The following MARCHF3 variants were observed in gnomAD, a reference collection of about 807,000 sequenced individuals.
MARCHF3 encodes E3 ubiquitin-protein ligase MARCHF3.
MARCHF3 carries 13 observed loss-of-function variants against 24.2 expected under a neutral mutation model. That is an observed-to-expected ratio of 0.54 (90% CI 0.35 to 0.85). The LOEUF (loss-of-function observed/expected upper bound fraction) is 0.85, where lower values mean the gene tolerates loss of function less well. MARCHF3 is among the 40% of genes least tolerant of loss of function. The pLI is 0.01. For synonymous variants in MARCHF3, 144 were observed against 137.3 expected, an observed-to-expected ratio of 1.05 and a Z score of -0.34; for missense variants, 276 against 325.0, an observed-to-expected ratio of 0.85 and a Z score of 1.16.
At chr5:126,992,997 C>A (rs1180994010) in intron 1 of MARCHF3, among the ~76,000 whole-genome samples, 1 of 152,154 alleles carries the variant, frequency 6.6e-6, no homozygotes, top group Non-Finnish European at 1.5e-5. Flanking sequence ...TGGTCTCGAT[C>A]TCCTGACCTC....
rs1580629693 is a variant in MARCHF3 at position 126,909,510 on chromosome 5, T to C, written c.393+5420A>G. 2.0e-5 allele frequency among the ~76,000 whole-genome samples: 3 copies of C among 152,294 alleles called. No individual in the cohort carries two copies. The South Asian group carries it at 6.2e-4, about 32-fold the overall frequency. ...AGGACCCTCCGAGCCACGCACAGGA[T>C]ATAATCTCCTGGTGCGCTGTTTTTT... On this transcript the variant is annotated intron_variant, in intron 3 of 4. Transcript: ENST00000308660.
chr5:126,898,873 T>C, intron 3 of MARCHF3: 1 of 977,644 alleles, frequency 1.0e-6, no homozygotes, highest in Non-Finnish European at 1.2e-6. Flanking sequence ...GTAGAAAACA[T>C]TTCATTTTCT....
Position 126,869,499 on chromosome 5 carries a change from T to C in MARCHF3, c.*1134A>G, listed in dbSNP as rs974191745. On this transcript the variant is annotated 3_prime_UTR_variant, in exon 5 of 5. Coordinates refer to ENST00000308660, the MANE Select transcript of MARCHF3 (RefSeq NM_178450.5). ...GGACTGTGACAGAATTGGCTCATGG[T>C]TGGGGGAAGGCACTGTGTGGGGCTC... 1.3e-5 allele frequency: 2 copies of C among 149,088 alleles called. No individual in the cohort carries two copies. Among genetic ancestry groups the C allele is most frequent in the African/African-American group, 4.9e-5 (2 of 40,740 alleles). 9.2% of individuals were successfully genotyped at this position (149,088 alleles called of 1,614,324 possible).
intron 1 of MARCHF3, among the ~76,000 whole-genome samples, chr5:126,969,126 C>T (rs1750912120): frequency 1.3e-5 from 2 of 152,144 alleles, no homozygotes; most frequent in Non-Finnish European, 2.9e-5. Flanking sequence ...TATTTTAGCT[C>T]TTACAATTAG....
intron 1 of MARCHF3, among the ~76,000 whole-genome samples, chr5:126,973,396 C>T (rs1327341004): frequency 6.6e-6 from 1 of 152,230 alleles, no homozygotes. Context: ...GAGCACAACG[C>T]ATGGAATTCC....
intron 3 of MARCHF3, chr5:126,898,943 T>G (rs1754015805): frequency 1.0e-6 from 1 of 984,970 alleles, no homozygotes; most frequent in Non-Finnish European, 1.2e-6. Flanking sequence ...GTGGCACATC[T>G]AAGAATTAAA....
chr5:126,884,462 C>T (rs756713788), intron 3 of MARCHF3, among the ~76,000 whole-genome samples: 7 of 152,204 alleles, frequency 4.6e-5, no homozygotes, highest in Non-Finnish European at 1.0e-4. Context: ...AACCTCTAGA[C>T]GTGCACATTC....
intron 1 of MARCHF3, among the ~76,000 whole-genome samples, chr5:127,027,396 T>C (rs1370294771): frequency 6.6e-6 from 1 of 152,192 alleles, no homozygotes; most frequent in African/African-American, 2.4e-5. Flanking sequence ...TGCTGGGCTT[T>C]GTTCTAGAAC....
At chr5:127,002,228 G>C (rs192371645) in intron 1 of MARCHF3, among the ~76,000 whole-genome samples, 227 of 152,352 alleles carry the variant, frequency 1.5e-3, no homozygotes, top group Non-Finnish European at 2.5e-3. Context: ...GAAGGGAAAA[G>C]ATCTCATATT....
chr5:126,995,429 G>T (rs1329574893), intron 1 of MARCHF3, among the ~76,000 whole-genome samples: 1 of 152,154 alleles, frequency 6.6e-6, no homozygotes, highest in African/African-American at 2.4e-5. Context: ...GGGTGCCACT[G>T]CTTTCATAAT....
At chr5:126,894,427 G>T (rs1212292947) in intron 3 of MARCHF3, among the ~76,000 whole-genome samples, 2 of 151,172 alleles carry the variant, frequency 1.3e-5, no homozygotes, top group East Asian at 3.9e-4. Context: ...GGCTGGTACC[G>T]GTTGTTCCTT....
At chr5:126,894,049 CTTCT>C (rs1753787572) in intron 3 of MARCHF3, among the ~76,000 whole-genome samples, 1 of 140,390 alleles carries the variant, frequency 7.1e-6, no homozygotes. Flanking sequence ...AAGTAATGGC[CTTCT>C]TTGTCTCTTT....
At chr5:127,015,453 C>T (rs1752609104) in intron 1 of MARCHF3, among the ~76,000 whole-genome samples, 2 of 152,158 alleles carry the variant, frequency 1.3e-5, no homozygotes, top group South Asian at 4.1e-4. Context: ...ACTGCAAGCC[C>T]CAGAAAATAA....
chr5:126,919,093 C>G (rs1295400404), intron 1 of MARCHF3, among the ~76,000 whole-genome samples: 1 of 152,078 alleles, frequency 6.6e-6, no homozygotes, highest in African/African-American at 2.4e-5. Flanking sequence ...CAAATAAGGG[C>G]CTTACCTCCT....
chr5:126,990,609 C>T (rs1414636417), intron 1 of MARCHF3, among the ~76,000 whole-genome samples: 1 of 152,124 alleles, frequency 6.6e-6, no homozygotes, highest in Non-Finnish European at 1.5e-5. Flanking sequence ...AGTGAACAGG[C>T]AACCTAGAGA....
At chr5:127,012,438 T>C (rs1752502099) in intron 1 of MARCHF3, among the ~76,000 whole-genome samples, 1 of 152,212 alleles carries the variant, frequency 6.6e-6, no homozygotes, top group Non-Finnish European at 1.5e-5. Context: ...TAGTTACTTA[T>C]TTTGTTTGAA....
intron 1 of MARCHF3, among the ~76,000 whole-genome samples, chr5:126,970,793 A>G (rs1750984987): frequency 6.6e-6 from 1 of 152,212 alleles, no homozygotes; most frequent in Admixed American, 6.5e-5. Flanking sequence ...GCCAGCCAAA[A>G]GCTTCATTTT....
intron 1 of MARCHF3, among the ~76,000 whole-genome samples, chr5:127,026,663 C>T (rs1301883929): frequency 6.6e-6 from 1 of 152,194 alleles, no homozygotes; most frequent in East Asian, 1.9e-4. Context: ...AGTTGCAAGG[C>T]CAACTTCTCA....
chr5:126,980,015 C>T (rs1472762313), intron 1 of MARCHF3, among the ~76,000 whole-genome samples: 1 of 151,810 alleles, frequency 6.6e-6, no homozygotes, highest in East Asian at 1.9e-4. Context: ...CCTATTTCAC[C>T]TGTCTCTGAT....
Sources: allele counts gnomAD v4.1 joint callset (sites outside exome capture counted in the v4.1 genomes callset), GRCh38; gene constraint gnomAD v4.1.1; transcripts MANE v1.5; gene names NCBI Gene and HGNC (gene_info 2026-07-23, HGNC 2026-07-21).